FRMD6: variants seen among roughly 807,000 people sequenced by gnomAD.
The protein encoded by FRMD6 is FERM domain-containing protein 6.
FRMD6 carries 37 observed loss-of-function variants against 73.2 expected under a neutral mutation model. The ratio of observed to expected loss-of-function variants is 0.51; its 90% CI spans 0.39 to 0.66. FRMD6 has a LOEUF of 0.66. Among genes scored for constraint, FRMD6 ranks in the 30% least tolerant of loss-of-function variants. The probability of loss-of-function intolerance (pLI) is 0.00; values close to 1 mark genes in which losing one functional copy is unlikely to be tolerated. For missense variants in FRMD6, 714 were observed against 780.5 expected, an observed-to-expected ratio of 0.91 and a Z score of 1.02; for synonymous variants, 273 against 282.2, an observed-to-expected ratio of 0.97 and a Z score of 0.33.
At chr14:51,397,266 A>C in the FRMD6 span, 1 of 152,334 alleles carries the variant, frequency 6.6e-6, no homozygotes, top group Admixed American at 6.5e-5. Flanking sequence ...AGAGGCCAGG[A>C]CGCATGCCCA....
At chr14:51,602,869 T>G (rs777842229) in intron 2 of FRMD6, among the ~76,000 whole-genome samples, 1 of 152,220 alleles carries the variant, frequency 6.6e-6, no homozygotes, top group Non-Finnish European at 1.5e-5. Context: ...GAAACAAAAC[T>G]TCATGCTAAC....
chr14:51,528,506 GA>G (rs1264922802), intron 1 of FRMD6, among the ~76,000 whole-genome samples: 1 of 152,050 alleles, frequency 6.6e-6, no homozygotes, highest in Non-Finnish European at 1.5e-5. Context: ...TTGCATTCCA[GA>G]ATTTTGGGGA....
chr14:51,596,970 C>T (rs921445616), intron 2 of FRMD6, among the ~76,000 whole-genome samples: 13 of 152,148 alleles, frequency 8.5e-5, no homozygotes, highest in African/African-American at 3.1e-4. Context: ...AAAACTGCAT[C>T]GCATTTAACT....
the FRMD6 span, among the ~76,000 whole-genome samples, chr14:51,446,982 A>G: frequency 6.6e-6 from 1 of 152,148 alleles, no homozygotes; most frequent in Non-Finnish European, 1.5e-5. Context: ...TTGTACAGGA[A>G]ATTCCACAAT....
At chr14:51,588,023 A>G (rs1041733482) in intron 2 of FRMD6, among the ~76,000 whole-genome samples, 3 of 152,026 alleles carry the variant, frequency 2.0e-5, no homozygotes, top group Admixed American at 6.6e-5. Context: ...CGTTTTCATT[A>G]TGTTCTCTAG....
chr14:51,457,172 G>T, the FRMD6 span, among the ~76,000 whole-genome samples: 808 of 152,240 alleles, frequency 5.3e-3, 5 homozygotes, highest in African/African-American at 0.018. Context: ...TGTATGATAT[G>T]ATGAATATGT....
At chr14:51,526,064 C>A (rs1885239731) in intron 1 of FRMD6, among the ~76,000 whole-genome samples, 1 of 152,166 alleles carries the variant, frequency 6.6e-6, no homozygotes, top group African/African-American at 2.4e-5. Context: ...TTGTACAAGT[C>A]TGAGTAGTAA....
At chr14:51,642,700 A>G (rs1205863564) in intron 2 of FRMD6, among the ~76,000 whole-genome samples, 3 of 152,242 alleles carry the variant, frequency 2.0e-5, no homozygotes, top group African/African-American at 7.2e-5. Context: ...CAGTCACTTC[A>G]GCATTTCTGT....
the FRMD6 span, among the ~76,000 whole-genome samples, chr14:51,481,703 C>A: frequency 6.6e-6 from 1 of 152,212 alleles, no homozygotes; most frequent in Non-Finnish European, 1.5e-5. Flanking sequence ...ATATCCCAGG[C>A]CCTGAAAAGG....
At chr14:51,640,841 A>G (rs1392027074) in intron 2 of FRMD6, among the ~76,000 whole-genome samples, 2 of 152,216 alleles carry the variant, frequency 1.3e-5, no homozygotes, top group Non-Finnish European at 2.9e-5. Context: ...TCTATTAAAT[A>G]TATTTCTACT....
chr14:51,400,324 C>CT, the FRMD6 span, among the ~76,000 whole-genome samples: 2 of 152,244 alleles, frequency 1.3e-5, no homozygotes, highest in East Asian at 3.9e-4. Context: ...TCTACTTCTA[C>CT]TTTTTTTAGA....
chr14:51,666,831 T>C (rs1169170348), intron 1 of FRMD6, among the ~76,000 whole-genome samples: 1 of 152,178 alleles, frequency 6.6e-6, no homozygotes, highest in Non-Finnish European at 1.5e-5. Context: ...AATGGGGAAT[T>C]AGGCTAGAAA....
At chr14:51,405,736 C>T in the FRMD6 span, among the ~76,000 whole-genome samples, 13,474 of 152,066 alleles carry the variant, frequency 0.089, 771 homozygotes, top group Non-Finnish European at 0.13. Context: ...GATGTTAGAC[C>T]TTTTCCAGAT....
At chr14:51,401,385 A>G in the FRMD6 span, among the ~76,000 whole-genome samples, 1 of 152,228 alleles carries the variant, frequency 6.6e-6, no homozygotes, top group Non-Finnish European at 1.5e-5. Context: ...CTTGATTTTT[A>G]TGCTGTGTGT....
chr14:51,475,046 C>T, the FRMD6 span, among the ~76,000 whole-genome samples: 20 of 152,188 alleles, frequency 1.3e-4, 1 homozygote, highest in Admixed American at 1.3e-3. Context: ...TGATAATCCC[C>T]ACTTCCAATG....
intron 10 of FRMD6, chr14:51,717,109 CAG>C (rs932802278): frequency 2.6e-5 from 4 of 152,174 alleles, no homozygotes; most frequent in African/African-American, 9.7e-5. Context: ...TTCAGAGAGA[CAG>C]GGCGTTGTTC....
intron 1 of FRMD6, among the ~76,000 whole-genome samples, chr14:51,686,056 T>A (rs187481249): frequency 6.6e-6 from 1 of 152,294 alleles, no homozygotes; most frequent in Non-Finnish European, 1.5e-5. Context: ...AGCTTTTTAC[T>A]TTTTAAGAGA....
At chr14:51,434,664 T>C in the FRMD6 span, among the ~76,000 whole-genome samples, 1 of 152,160 alleles carries the variant, frequency 6.6e-6, no homozygotes, top group Admixed American at 6.5e-5. Context: ...GCAATAAATG[T>C]TCAGATAAGA....
chr14:51,561,055 G>A (rs1887453270), intron 1 of FRMD6, among the ~76,000 whole-genome samples: 2 of 152,158 alleles, frequency 1.3e-5, no homozygotes, highest in Non-Finnish European at 2.9e-5. Context: ...TTAGTAACTT[G>A]CCATCCCACT....
Sources: gnomAD v4.1 joint callset for allele counts (sites outside exome capture counted in the v4.1 genomes callset) on GRCh38, gnomAD v4.1.1 for gene constraint, MANE v1.5 for transcripts, NCBI Gene and HGNC (gene_info 2026-07-23, HGNC 2026-07-21) for gene names.